The following ERBB4 variants were observed in gnomAD, a reference collection of about 807,000 sequenced individuals.
ERBB4 encodes the protein receptor tyrosine-protein kinase erbB-4.
In ERBB4, 42 loss-of-function variants were observed where a neutral mutation model predicts 158.0. The ratio of observed to expected loss-of-function variants is 0.27; its 90% confidence interval spans 0.21 to 0.34. The LOEUF (loss-of-function observed/expected upper bound fraction) is 0.34. Among genes scored for constraint, ERBB4 ranks in the 10% least tolerant of loss-of-function variants. ERBB4 has a pLI of 1.00. For missense variants in ERBB4, 1,333 were observed against 1,624.1 expected, an observed-to-expected ratio of 0.82 and a Z score of 3.08; for synonymous variants, 583 against 558.7, an observed-to-expected ratio of 1.04 and a Z score of -0.61.
intron 1 of ERBB4, among the ~76,000 whole-genome samples, chr2:212,389,324 C>T (rs184420814): frequency 5.1e-4 from 77 of 152,110 alleles, no homozygotes; most frequent in African/African-American, 1.8e-3. Flanking sequence ...ACCATATACA[C>T]ATATAGGCAT....
At chr2:212,247,318 T>C (rs2084347001) in intron 1 of ERBB4, among the ~76,000 whole-genome samples, 1 of 152,168 alleles carries the variant, frequency 6.6e-6, no homozygotes, top group Non-Finnish European at 1.5e-5. Flanking sequence ...TATGCCCTCA[T>C]CTATTACCTC....
At chr2:212,460,693 T>G (rs751238430) in intron 1 of ERBB4, among the ~76,000 whole-genome samples, 2 of 152,098 alleles carry the variant, frequency 1.3e-5, no homozygotes, top group African/African-American at 4.8e-5. Context: ...GTTTTGTAAA[T>G]AGAGAAGAGC....
intron 20 of ERBB4, among the ~76,000 whole-genome samples, chr2:211,468,065 A>G (rs1355600788): frequency 6.6e-6 from 1 of 152,182 alleles, no homozygotes; most frequent in Non-Finnish European, 1.5e-5. Flanking sequence ...TATAAAAAGA[A>G]AAAGACATGT....
intron 1 of ERBB4, among the ~76,000 whole-genome samples, chr2:212,210,134 G>A (rs2105924418): frequency 6.6e-6 from 1 of 150,882 alleles, no homozygotes; most frequent in Middle Eastern, 3.4e-3. Flanking sequence ...GCATAGATAT[G>A]CATAAAGTGA....
At chr2:212,252,522 C>G (rs1304915630) in intron 1 of ERBB4, among the ~76,000 whole-genome samples, 1 of 152,060 alleles carries the variant, frequency 6.6e-6, no homozygotes, top group Non-Finnish European at 1.5e-5. Flanking sequence ...GGTCCACTGG[C>G]TGACTGGAGT....
In ERBB4 at chr2:211,974,947, C is replaced by T. The variant is rs143446729; in HGVS notation, c.235-27331G>A. On this transcript the variant is annotated intron_variant, in intron 2 of 27. Coordinates refer to ENST00000342788, the MANE Select transcript of ERBB4 (RefSeq NM_005235.3). ...GATTTAATTTTTAAAAAATATTCTT[C>T]ATAATGCTCATTAAACTTGAATCAA... Among the ~76,000 whole-genome samples, 181 of 152,168 alleles carry T rather than the reference C, an allele frequency of 1.2e-3. 1 individual carries two copies. The highest frequency in any genetic ancestry group is 0.01 in the Middle Eastern group (3 of 294).
At chr2:211,616,416 C>A (rs569289895) in intron 19 of ERBB4, among the ~76,000 whole-genome samples, 1 of 152,160 alleles carries the variant, frequency 6.6e-6, no homozygotes, top group South Asian at 2.1e-4. Context: ...CTGTAAGAAC[C>A]CAAACTAACA....
intron 1 of ERBB4, among the ~76,000 whole-genome samples, chr2:212,172,639 G>A (rs1205795380): frequency 6.6e-6 from 1 of 152,116 alleles, no homozygotes; most frequent in Non-Finnish European, 1.5e-5. Context: ...CAGGAATATG[G>A]ATGGAGCTGG....
chr2:211,615,472 T>A (rs1324149484), intron 19 of ERBB4, among the ~76,000 whole-genome samples: 1 of 152,124 alleles, frequency 6.6e-6, no homozygotes, highest in Non-Finnish European at 1.5e-5. Context: ...TTCTTAATGT[T>A]GTTCAATATG....
At chr2:212,137,705 G>A (rs79383400) in intron 1 of ERBB4, among the ~76,000 whole-genome samples, 1 of 152,236 alleles carries the variant, frequency 6.6e-6, no homozygotes, top group East Asian at 1.9e-4. Flanking sequence ...TGCGATTGCT[G>A]GATTAAATGG....
chr2:212,457,540 C>T (rs1293568350), intron 1 of ERBB4, among the ~76,000 whole-genome samples: 1 of 152,028 alleles, frequency 6.6e-6, no homozygotes, highest in East Asian at 1.9e-4. Flanking sequence ...GCTGATTGTC[C>T]TGTGATATCT....
intron 2 of ERBB4, among the ~76,000 whole-genome samples, chr2:212,091,076 CA>C (rs1188890296): frequency 6.6e-6 from 1 of 151,876 alleles, no homozygotes; most frequent in Non-Finnish European, 1.5e-5. Context: ...CTGACAATGA[CA>C]CATACCTGAC....
At chr2:211,630,625 A>T (rs980072513) in intron 16 of ERBB4, 31 bp from the exon 17 acceptor site, 3 of 1,590,564 alleles carry the variant, frequency 1.9e-6, no homozygotes, top group East Asian at 2.2e-5. Context: ...AAAAAAAATA[A>T]AAAGTATGAA....
At chr2:212,152,434 C>T (rs1023622766) in intron 1 of ERBB4, among the ~76,000 whole-genome samples, 2 of 152,138 alleles carry the variant, frequency 1.3e-5, no homozygotes, top group East Asian at 3.9e-4. Flanking sequence ...TTTCTGCTGC[C>T]CTCATTTGTT....
chr2:211,517,316 G>C (rs1380218300), intron 20 of ERBB4, among the ~76,000 whole-genome samples: 1 of 151,914 alleles, frequency 6.6e-6, no homozygotes, highest in African/African-American at 2.4e-5. Flanking sequence ...TTTTTATAAA[G>C]TTGCTATAAG....
chr2:211,531,915 C>A (rs1015006976), intron 20 of ERBB4, among the ~76,000 whole-genome samples: 3 of 152,202 alleles, frequency 2.0e-5, no homozygotes, highest in Admixed American at 2.0e-4. Flanking sequence ...CCTAAATGTC[C>A]ATCCACAGAT....
intron 2 of ERBB4, among the ~76,000 whole-genome samples, chr2:212,059,597 A>C (rs1272045254): frequency 6.6e-6 from 1 of 152,230 alleles, no homozygotes; most frequent in Admixed American, 6.5e-5. Flanking sequence ...AAACAGAGAT[A>C]TAGACCAATG....
At chr2:211,667,623 T>C (rs2071680547) in intron 14 of ERBB4, among the ~76,000 whole-genome samples, 1 of 152,186 alleles carries the variant, frequency 6.6e-6, no homozygotes, top group African/African-American at 2.4e-5. Context: ...TGTGCAAGTA[T>C]GCTCAGTACC....
chr2:212,131,159 G>T (rs1048700865), intron 1 of ERBB4, among the ~76,000 whole-genome samples: 1 of 151,950 alleles, frequency 6.6e-6, no homozygotes, highest in African/African-American at 2.4e-5. Flanking sequence ...TCCCCAAATG[G>T]GTCCAAACTT....
Sources: gnomAD v4.1 joint callset for allele counts (sites outside exome capture counted in the v4.1 genomes callset) on GRCh38, gnomAD v4.1.1 for gene constraint, MANE v1.5 for transcripts, NCBI Gene and HGNC (gene_info 2026-07-23, HGNC 2026-07-21) for gene names.